Variants in PCDHGA7 observed in about 807,000 individuals in gnomAD.
PCDHGA7 encodes the protein protocadherin gamma subfamily A, 7.
In PCDHGA7, 44 loss-of-function variants were observed where a neutral mutation model predicts 58.3. That is an observed-to-expected ratio of 0.75 (90% CI 0.59 to 0.97). The LOEUF is 0.97. PCDHGA7 is among the 50% of genes least tolerant of loss of function. PCDHGA7 has a pLI of 0.00. For missense variants in PCDHGA7, 1,266 were observed against 1,188.7 expected (o/e 1.06, Z -0.96); for synonymous variants, 516 against 504.2 (o/e 1.02, Z -0.31).
intron 3 of PCDHGA7, among the ~76,000 whole-genome samples, chr5:141,508,629 T>C (rs934648689): frequency 6.6e-6 from 1 of 152,054 alleles, no homozygotes; most frequent in Non-Finnish European, 1.5e-5. Context: ...GGGCCGAGCT[T>C]CTAGCTACTC....
rs537087639 is a variant in PCDHGA7 at position 141,510,502 on chromosome 5, G to A, written c.2573-445G>A. 3.3e-5 allele frequency among the ~76,000 whole-genome samples: 5 copies of A among 152,296 alleles called. No homozygotes were observed. The South Asian group carries it at 6.2e-4, about 19-fold the overall frequency. ...CTTGAGAAAGCCAGGGCAAGGAACTGAGAGCCCGTGTCACAGCCCTGAGAG... is the reference window on the plus strand; with the variant it reads ...CTTGAGAAAGCCAGGGCAAGGAACTAAGAGCCCGTGTCACAGCCCTGAGAG... On this transcript the variant is annotated intron_variant, in intron 3 of 3. Coordinates refer to ENST00000518325, the MANE Select transcript of PCDHGA7 (RefSeq NM_018920.4).
At chr5:141,397,027 G>A (rs1374788251) in intron 1 of PCDHGA7, among the ~76,000 whole-genome samples, 1 of 152,200 alleles carries the variant, frequency 6.6e-6, no homozygotes, top group Non-Finnish European at 1.5e-5. Flanking sequence ...GTTGACCAAT[G>A]TCCACAAATT....
chr5:141,495,010 G>A (rs1327870362), intron 2 of PCDHGA7, 145 bp downstream of exon 2: 6 of 1,516,970 alleles, frequency 4.0e-6, no homozygotes, highest in Non-Finnish European at 5.3e-6. Context: ...GTGTGCGGGG[G>A]GCTGGCACAC....
At position 141,431,141 on chromosome 5, in the gene PCDHGA7, G is replaced by C. The variant is rs1262504427; in HGVS notation, c.2424+45818G>C. 1 of 1,614,094 alleles carries C rather than the reference G, an allele frequency of 6.2e-7. No individual in the cohort carries two copies. The highest frequency in any genetic ancestry group is 2.2e-5 in the East Asian group (1 of 44,896). On this transcript the variant is annotated intron_variant, in intron 1 of 3. Coordinates refer to ENST00000518325, the MANE Select transcript of PCDHGA7 (RefSeq NM_018920.4). The surrounding 1 kb of genome is among the most constrained non-coding windows in gnomAD (Gnocchi z 4.8). The stretch of plus-strand genomic sequence containing the variant: ...AGAAGTAGAAGTAAGGGACATTAAC[G>C]ACAATGCGCCTTACTTTCGTGAAAG...
chr5:141,429,751 A>AT (rs2097241304), intron 1 of PCDHGA7, among the ~76,000 whole-genome samples: 1 of 152,110 alleles, frequency 6.6e-6, no homozygotes, highest in African/African-American at 2.4e-5. Flanking sequence ...CTTAGGGAGA[A>AT]TTTTTTCCCT....
Position 141,410,843 on chromosome 5 carries a change from CTT to C in PCDHGA7, c.2424+25522_2424+25523del, listed in dbSNP as rs1452086070. 5.3e-4 allele frequency: 115 copies of C among 216,326 alleles called. 1 individual carries two copies. In the East Asian group the frequency reaches 7.7e-3, roughly 14 times the overall value. 13.4% of individuals were successfully genotyped at this position (216,326 alleles called of 1,614,324 possible). A position where few individuals can be genotyped will look rare whatever the true frequency, so the allele number is the denominator to read the frequency against. The stretch of plus-strand genomic sequence containing the variant: ...TGTCACCAGACTGAAGATATTTTGT[CTT>C]TGTCTTTTTTTTTTTTTTTTTTTTT... On this transcript the variant is annotated intron_variant, in intron 1 of 3. Transcript: ENST00000518325.
At position 141,395,235 on chromosome 5, in the gene PCDHGA7, C is replaced by T. The variant is rs775441341; in HGVS notation, c.2424+9912C>T. 7 of 1,601,042 alleles carry T rather than the reference C, an allele frequency of 4.4e-6. No homozygotes were observed. In the South Asian group the frequency reaches 7.9e-5, roughly 18 times the overall value. ...ATATAAGAATGAAGCTGATCATGGT[C>T]AGGTGAGTTTAGTTCTTTGCTTGCT... On this transcript the variant is annotated intron_variant, in intron 1 of 3. Transcript: ENST00000518325.
intron 1 of PCDHGA7, chr5:141,389,404 C>G (rs2091742660): frequency 6.2e-7 from 1 of 1,613,498 alleles, no homozygotes; most frequent in African/African-American, 1.3e-5. Flanking sequence ...TCCATAAGCG[C>G]GGAGAGCGGG....
intron 1 of PCDHGA7, among the ~76,000 whole-genome samples, chr5:141,461,151 C>A (rs1424467673): frequency 6.6e-6 from 1 of 152,022 alleles, no homozygotes; most frequent in African/African-American, 2.4e-5. Context: ...TGGGTAGATA[C>A]CCAATAGTGG....
intron 1 of PCDHGA7, among the ~76,000 whole-genome samples, chr5:141,443,720 T>G (rs1349609652): frequency 2.6e-5 from 4 of 152,156 alleles, no homozygotes; most frequent in Non-Finnish European, 5.9e-5. Flanking sequence ...CATATAAAAT[T>G]CCTCATACAT....
chr5:141,430,725 G>A (rs1436128094), intron 1 of PCDHGA7: 4 of 1,497,276 alleles, frequency 2.7e-6, no homozygotes, highest in Admixed American at 2.4e-5. Flanking sequence ...AGTGGTTAAG[G>A]GCAGAATTGA....
In PCDHGA7 at chr5:141,486,056, C is replaced by T; in HGVS notation, c.2425-8751C>T. 6.2e-7 allele frequency: 1 copy of T among 1,614,170 alleles called. No homozygotes were observed. The highest frequency in any genetic ancestry group is 8.5e-7 in the Non-Finnish European group (1 of 1,180,026). ...TGATCGTGTAAGAAACCTCTTTAGC[C>T]TGCACCCCACTACTGGAAAGCTTAC... On this transcript the variant is annotated intron_variant, in intron 1 of 3. Transcript: ENST00000518325. The surrounding 1 kb of genome is among the most constrained non-coding windows in gnomAD (Gnocchi z 5.0).
chr5:141,422,576 C>G (rs778942661), intron 1 of PCDHGA7: 1 of 1,614,034 alleles, frequency 6.2e-7, no homozygotes, highest in South Asian at 1.1e-5. Context: ...AACGATAACC[C>G]TCCCGTTTTT....
intron 1 of PCDHGA7, chr5:141,408,864 C>T: frequency 1.2e-6 from 2 of 1,613,638 alleles, no homozygotes; most frequent in Non-Finnish European, 8.5e-7. Context: ...GGGGACCCAC[C>T]AAGAAGTGCC....
At chr5:141,393,314 C>T (rs2150518180) in intron 1 of PCDHGA7, 1 of 1,613,076 alleles carries the variant, frequency 6.2e-7, no homozygotes, top group Non-Finnish European at 8.5e-7. Flanking sequence ...TGAACTCCCT[C>T]CAGAGCTACC....
intron 1 of PCDHGA7, chr5:141,389,959 T>C (rs764607245): frequency 6.2e-7 from 1 of 1,614,058 alleles, no homozygotes; most frequent in Non-Finnish European, 8.5e-7. Flanking sequence ...TACCTAGTGG[T>C]GGCCTTGGCC....
At position 141,384,492 on chromosome 5, in the gene PCDHGA7, AG is replaced by A. The variant is rs746302959; in HGVS notation, c.1594del (p.Val532Ter). 1.2e-6 allele frequency: 2 copies of A among 1,614,164 alleles called. No homozygotes were observed. The highest frequency in any genetic ancestry group is 4.5e-5 in the East Asian group (2 of 44,886). On this transcript the variant is annotated frameshift_variant, in exon 1 of 4. Coordinates refer to ENST00000518325, the MANE Select transcript of PCDHGA7 (RefSeq NM_018920.4). LOFTEE classifies it high-confidence loss of function. Reference protein sequence around the residue: ...YEQLRELQLRVTAHDSGDPPL... With the variant: ...YEQLRELQLRXTAHDSGDPPL... ...AGCAGTTGAGAGAACTACAACTAAG[AG>A]TGACTGCACATGACAGCGGGGACCC...
intron 1 of PCDHGA7, chr5:141,419,239 C>T (rs374093302): frequency 3.7e-6 from 6 of 1,614,008 alleles, no homozygotes; most frequent in East Asian, 2.2e-5. Context: ...ACCTGGTCCA[C>T]GTGCCAGAAA....
At chr5:141,405,966 C>T (rs1226823491) in intron 1 of PCDHGA7, among the ~76,000 whole-genome samples, 3 of 151,986 alleles carry the variant, frequency 2.0e-5, no homozygotes, top group South Asian at 4.1e-4. Flanking sequence ...CTGCTGTCAA[C>T]GTAAACCATA....
Sources: gnomAD v4.1 joint callset for allele counts (sites outside exome capture counted in the v4.1 genomes callset) on GRCh38, gnomAD v4.1.1 for gene constraint, Gnocchi (gnomAD v3.1) non-coding constraint, MANE v1.5 for transcripts, NCBI Gene and HGNC (gene_info 2026-07-23, HGNC 2026-07-21) for gene names.